ZNF644: variants seen among roughly 807,000 people sequenced by gnomAD.
ZNF644 encodes the protein zinc finger motif enhancer binding protein 2.
A neutral mutation model predicts 108.0 loss-of-function variants in ZNF644; 20 were observed. The observed-to-expected ratio is 0.19, with a 90% confidence interval of 0.13 to 0.27. The LOEUF (loss-of-function observed/expected upper bound fraction) is 0.27, where lower values mean the gene tolerates loss of function less well. Ranked by LOEUF, ZNF644 falls within the 10% of genes least tolerant of loss-of-function variation. ZNF644 has a pLI of 1.00. For missense variants in ZNF644, 1,338 were observed against 1,548.9 expected, an observed-to-expected ratio of 0.86 and a Z score of 2.29; for synonymous variants, 542 against 539.1, an observed-to-expected ratio of 1.01 and a Z score of -0.08.
chr1:90,967,570 T>C (rs1463883186), intron 2 of ZNF644, among the ~76,000 whole-genome samples: 2 of 152,206 alleles, frequency 1.3e-5, no homozygotes, highest in Non-Finnish European at 2.9e-5. Context: ...TAAAAGGTAG[T>C]AGTCAACCTA....
chr1:91,007,607 G>A (rs1038201258), intron 1 of ZNF644, among the ~76,000 whole-genome samples: 3 of 151,930 alleles, frequency 2.0e-5, no homozygotes, highest in Non-Finnish European at 4.4e-5. Context: ...GTCCTCCTCC[G>A]TGGGAGTTTT....
intron 1 of ZNF644, among the ~76,000 whole-genome samples, chr1:91,017,726 C>G (rs1352213819): frequency 6.6e-6 from 1 of 152,194 alleles, no homozygotes; most frequent in Non-Finnish European, 1.5e-5. Flanking sequence ...CTTTGGGAGG[C>G]CAAGGCGGGT....
intron 1 of ZNF644, among the ~76,000 whole-genome samples, chr1:91,006,570 CAA>C (rs1375345055): frequency 6.6e-6 from 1 of 152,158 alleles, no homozygotes; most frequent in African/African-American, 2.4e-5. Flanking sequence ...CAAAATCTGA[CAA>C]AGTTATCCCA....
chr1:90,946,797 T>C (rs965387428), intron 2 of ZNF644, among the ~76,000 whole-genome samples: 1 of 151,496 alleles, frequency 6.6e-6, no homozygotes, highest in African/African-American at 2.4e-5. Flanking sequence ...AGATTGCCAT[T>C]AAAAAAAAGC....
Position 90,938,167 on chromosome 1 carries a change from C to T in ZNF644, c.3083-77G>A, listed in dbSNP as rs1013202987. 6.2e-7 allele frequency: 1 copy of T among 1,605,618 alleles called. No homozygotes were observed. The highest frequency in any genetic ancestry group is 8.5e-7 in the Non-Finnish European group (1 of 1,174,778). On this transcript the variant is annotated intron_variant, in intron 3 of 5. Coordinates refer to ENST00000337393, the MANE Select transcript of ZNF644 (RefSeq NM_201269.3). The surrounding 1 kb of genome is among the most constrained non-coding windows in gnomAD (Gnocchi z 4.2). ...ACCCTAAAATGAGTTAATTCTGAAA[C>T]ATAAAATTATGATTCTAATAAAGAC...
intron 5 of ZNF644, among the ~76,000 whole-genome samples, chr1:90,917,331 T>G (rs1481706305): frequency 6.6e-6 from 1 of 152,192 alleles, no homozygotes; most frequent in East Asian, 1.9e-4. Context: ...TAAATGGCAT[T>G]GTGTCTATGT....
At chr1:91,011,263 A>G (rs1463076405) in intron 1 of ZNF644, among the ~76,000 whole-genome samples, 1 of 152,184 alleles carries the variant, frequency 6.6e-6, no homozygotes, top group Non-Finnish European at 1.5e-5. Context: ...AACTTATTAC[A>G]AATTCCAAAA....
chr1:90,978,677 G>A (rs1192827474), intron 2 of ZNF644, among the ~76,000 whole-genome samples: 3 of 152,060 alleles, frequency 2.0e-5, no homozygotes, highest in African/African-American at 4.8e-5. Context: ...AAATGAAGAC[G>A]AAGACTCTGC....
intron 1 of ZNF644, among the ~76,000 whole-genome samples, chr1:90,997,025 T>C (rs1307128843): frequency 6.6e-6 from 1 of 152,164 alleles, no homozygotes; most frequent in Non-Finnish European, 1.5e-5. Context: ...TCAGAGGTAA[T>C]TGTTTCATAT....
At chr1:91,000,478 C>T (rs1436130064) in intron 1 of ZNF644, among the ~76,000 whole-genome samples, 2 of 152,154 alleles carry the variant, frequency 1.3e-5, no homozygotes, top group African/African-American at 4.8e-5. Flanking sequence ...TAAAGATGTT[C>T]TTTGAAACCA....
chr1:91,021,719 C>A (rs1041937818), intron 1 of ZNF644: 1 of 240,252 alleles, frequency 4.2e-6, no homozygotes, highest in Admixed American at 5.6e-5. Flanking sequence ...GCGACCGCCG[C>A]GGCCGCCGCC....
chr1:91,007,015 G>A (rs949891519), intron 1 of ZNF644, among the ~76,000 whole-genome samples: 1 of 152,006 alleles, frequency 6.6e-6, no homozygotes, highest in Non-Finnish European at 1.5e-5. Flanking sequence ...ACTTTCCAAT[G>A]CTACCTATTT....
intron 4 of ZNF644, among the ~76,000 whole-genome samples, chr1:90,929,996 A>G (rs922244479): frequency 6.6e-6 from 1 of 152,112 alleles, no homozygotes; most frequent in South Asian, 2.1e-4. Context: ...GTATCAAGAA[A>G]GTGTTCTGGG....
chr1:91,015,230 G>A (rs1320039442), intron 1 of ZNF644, among the ~76,000 whole-genome samples: 1 of 152,118 alleles, frequency 6.6e-6, no homozygotes, highest in Non-Finnish European at 1.5e-5. Context: ...GCTAGGAGGA[G>A]GTTGGTGGTA....
At chr1:91,007,642 A>G (rs1205470719) in intron 1 of ZNF644, among the ~76,000 whole-genome samples, 2 of 152,056 alleles carry the variant, frequency 1.3e-5, no homozygotes, top group African/African-American at 4.8e-5. Flanking sequence ...CCAACCCTCT[A>G]AGAATTTAAT....
At chr1:90,957,970 T>C (rs528132185) in intron 2 of ZNF644, among the ~76,000 whole-genome samples, 2 of 152,062 alleles carry the variant, frequency 1.3e-5, no homozygotes, top group African/African-American at 4.8e-5. Context: ...TGCTTCTATA[T>C]ACCAGCAACG....
intron 2 of ZNF644, among the ~76,000 whole-genome samples, chr1:90,947,950 G>A (rs576452616): frequency 3.3e-5 from 5 of 152,058 alleles, no homozygotes; most frequent in Non-Finnish European, 5.9e-5. Context: ...CTACACCATC[G>A]CAAAATTGAA....
chr1:90,953,094 T>A (rs142315591), intron 2 of ZNF644, among the ~76,000 whole-genome samples: 2 of 150,940 alleles, frequency 1.3e-5, no homozygotes, highest in Admixed American at 1.3e-4. Context: ...TGTCACAACG[T>A]TGCCTTAAGA....
At chr1:90,986,932 G>A (rs1415403166) in intron 1 of ZNF644, among the ~76,000 whole-genome samples, 1 of 151,440 alleles carries the variant, frequency 6.6e-6, no homozygotes, top group African/African-American at 2.4e-5. Flanking sequence ...CAACCAATGG[G>A]TCAAAGAAAT....
Sources: gnomAD v4.1 joint callset for allele counts (sites outside exome capture counted in the v4.1 genomes callset) on GRCh38, gnomAD v4.1.1 for gene constraint, Gnocchi (gnomAD v3.1) non-coding constraint, MANE v1.5 for transcripts, NCBI Gene and HGNC (gene_info 2026-07-23, HGNC 2026-07-21) for gene names.